Variants in NLRP1 observed in about 807,000 individuals in gnomAD.
NLRP1 encodes NLR family pyrin domain containing 1.
NLRP1 carries 94 observed loss-of-function variants against 136.7 expected under a neutral mutation model. The ratio of observed to expected loss-of-function variants is 0.69; its 90% CI spans 0.58 to 0.82. NLRP1 has a LOEUF of 0.82. NLRP1 is among the 40% of genes least tolerant of loss of function. The pLI is 0.00. For synonymous variants in NLRP1, 690 were observed against 725.1 expected, an observed-to-expected ratio of 0.95 and a Z score of 0.78; for missense variants, 1,575 against 1,802.7, an observed-to-expected ratio of 0.87 and a Z score of 2.29.
At chr17:5,564,545 G>C (rs577442435) in intron 3 of NLRP1, among the ~76,000 whole-genome samples, 149 of 152,080 alleles carry the variant, frequency 9.8e-4, no homozygotes, top group Non-Finnish European at 1.2e-3. Flanking sequence ...TCTCTTTGAT[G>C]GCTGAATAGT....
At chr17:5,513,923 A>T (rs1907797824), downstream of NLRP1, among the ~76,000 whole-genome samples, 1 of 152,210 alleles carries the variant, frequency 6.6e-6, no homozygotes, top group Admixed American at 6.5e-5. Context: ...CACCAGCGCC[A>T]TGACAGTTTA....
At chr17:5,530,790 G>C in intron 11 of NLRP1, 86 bp from the exon 12 acceptor site, 1 of 1,018,370 alleles carries the variant, frequency 9.8e-7, no homozygotes, top group Non-Finnish European at 1.5e-6. Context: ...GGGGCTTGCG[G>C]ATACGGTACA....
chr17:5,524,930 C>G (rs867300192), intron 12 of NLRP1, among the ~76,000 whole-genome samples: 6 of 152,164 alleles, frequency 3.9e-5, no homozygotes, highest in African/African-American at 4.8e-5. Flanking sequence ...TGGTCACCCC[C>G]CTTCTTGCAC....
At chr17:5,533,437 C>T in intron 9 of NLRP1, 53 bp from the exon 10 acceptor site, 1 of 738,112 alleles carries the variant, frequency 1.4e-6, no homozygotes, top group African/African-American at 1.7e-5. Context: ...ATCTGCAGTC[C>T]CAGTTCTACT....
rs142484301 is a variant in NLRP1, at chr17:5,582,712, C to T, written c.406G>A (p.Val136Ile). 304 of 1,614,188 alleles carry T rather than the reference C, an allele frequency of 1.9e-4. No individual in the cohort carries two copies. The African/African-American group carries it at 3.4e-3, about 18-fold the overall frequency. Residue 136 changes from valine (V) to isoleucine (I), a missense_variant, in exon 2 of 17, where the codon GTT (valine) becomes ATT (isoleucine). Val to Ile is a conservative substitution (Grantham distance 29). Coordinates refer to ENST00000572272, the MANE Select transcript of NLRP1 (RefSeq NM_033004.4). ...AGCTQGSERR[V>I]LRQLPDTSGR... ...GATGTGTCAGGCAGCTGTCTCAAAA[C>T]CCTTCTCTCTGAGCCCTGGGTGCAC...
intron 15 of NLRP1, among the ~76,000 whole-genome samples, chr17:5,516,485 A>G (rs1167802386): frequency 6.6e-6 from 1 of 152,200 alleles, no homozygotes; most frequent in Non-Finnish European, 1.5e-5. Flanking sequence ...GGAAGGAGAT[A>G]GACTTTTTCT....
chr17:5,533,793 G>T, intron 9 of NLRP1, 104 bp downstream of exon 9: 1 of 791,262 alleles, frequency 1.3e-6, no homozygotes, highest in Non-Finnish European at 2.1e-6. Flanking sequence ...TAGGAAACCT[G>T]CCCCGTCCCA....
In NLRP1 at chr17:5,529,757, AC is replaced by A. The variant is rs914329688; in HGVS notation, c.3520+723del. On this transcript the variant is annotated intron_variant, in intron 12 of 16. Coordinates refer to ENST00000572272, the MANE Select transcript of NLRP1 (RefSeq NM_033004.4). Reference sequence around the variant, plus strand: ...GCTTTTTGCTGATAGTTTTAAGGTTACTTTTTTTTTTTTGGTCATATTATAC... The same window carrying A: ...GCTTTTTGCTGATAGTTTTAAGGTTATTTTTTTTTTTTGGTCATATTATAC... The A allele has an allele frequency of 6.8e-4, 148 of 218,402 alleles. 1 individual carries two copies. Among genetic ancestry groups the A allele is most frequent in the African/African-American group, 3.7e-3 (146 of 39,756 alleles). 13.5% of individuals were successfully genotyped at this position (218,402 alleles called of 1,614,324 possible).
chr17:5,542,689 C>A (rs777303401), intron 5 of NLRP1, among the ~76,000 whole-genome samples: 4 of 152,010 alleles, frequency 2.6e-5, no homozygotes, highest in African/African-American at 4.8e-5. Context: ...ATGTAAGCTC[C>A]TTGAGGAAGG....
At chr17:5,508,732 T>C (rs1047843240) in intron 15 of NLRP1, among the ~76,000 whole-genome samples, 4 of 152,096 alleles carry the variant, frequency 2.6e-5, no homozygotes, top group African/African-American at 9.7e-5. Flanking sequence ...CTTGTGATGA[T>C]CTAAATCAAA....
intron 3 of NLRP1, among the ~76,000 whole-genome samples, chr17:5,581,275 A>T (rs1412852100): frequency 2.0e-5 from 3 of 152,238 alleles, no homozygotes; most frequent in African/African-American, 7.2e-5. Flanking sequence ...AAGAGTTAAA[A>T]GTGTGGATTG....
chr17:5,513,669 T>C (rs1047876865), downstream of NLRP1, among the ~76,000 whole-genome samples: 6 of 152,178 alleles, frequency 3.9e-5, no homozygotes, highest in Admixed American at 3.3e-4. Flanking sequence ...CATGAAGCAG[T>C]GACAGAAGAT....
intron 3 of NLRP1, among the ~76,000 whole-genome samples, chr17:5,577,851 T>C (rs1905174533): frequency 6.6e-6 from 1 of 152,238 alleles, no homozygotes; most frequent in African/African-American, 2.4e-5. Flanking sequence ...GCTATCTGAC[T>C]TCAAACTATA....
chr17:5,521,127 C>G (rs1908848844), intron 13 of NLRP1, 115 bp from the exon 14 acceptor site: 1 of 1,031,700 alleles, frequency 9.7e-7, no homozygotes, highest in Admixed American at 2.8e-5. Flanking sequence ...CTATATCACC[C>G]CTGCCTCCCT....
downstream of NLRP1, among the ~76,000 whole-genome samples, chr17:5,510,149 C>A (rs1422471944): frequency 6.7e-6 from 1 of 149,706 alleles, no homozygotes; most frequent in East Asian, 2.0e-4. Context: ...TCAAGCAATT[C>A]ATTGGCCTCA....
chr17:5,540,273 T>C (rs1007605955), intron 6 of NLRP1, among the ~76,000 whole-genome samples: 1 of 152,222 alleles, frequency 6.6e-6, no homozygotes, highest in African/African-American at 2.4e-5. Flanking sequence ...ATCTCCAAGA[T>C]ATATTTTAAC....
Position 5,514,222 on chromosome 17 carries a change from TA to T in NLRP1, c.*531del. 5.6e-6 allele frequency: 1 copy of T among 178,062 alleles called. No homozygotes were observed. Among genetic ancestry groups the T allele is most frequent in the Non-Finnish European group, 1.1e-5 (1 of 91,534 alleles). 11.0% of individuals were successfully genotyped at this position (178,062 alleles called of 1,614,324 possible). A position where few individuals can be genotyped will look rare whatever the true frequency, so the allele number is the denominator to read the frequency against. On this transcript the variant is annotated 3_prime_UTR_variant, in exon 17 of 17. Transcript: ENST00000572272. ...TTTTTAATTTATAGGGGTTTTCTGG[TA>T]AAAACTGGAAAGCCTGCTAGACAAA...
chr17:5,560,767 C>G (rs1914644037), intron 3 of NLRP1, among the ~76,000 whole-genome samples: 1 of 152,202 alleles, frequency 6.6e-6, no homozygotes. Flanking sequence ...CTGGGTTTCC[C>G]CGCCTCACCA....
chr17:5,536,610 C>A (rs924116373), intron 8 of NLRP1, among the ~76,000 whole-genome samples: 5 of 152,158 alleles, frequency 3.3e-5, no homozygotes, highest in Admixed American at 3.3e-4. Flanking sequence ...GCCACCACGC[C>A]TGGCTAATTT....
Sources: allele counts gnomAD v4.1 joint callset (sites outside exome capture counted in the v4.1 genomes callset), GRCh38; gene constraint gnomAD v4.1.1; transcripts MANE v1.5; gene names NCBI Gene and HGNC (gene_info 2026-07-23, HGNC 2026-07-21).